The following B3GALT1 variants were observed in gnomAD, a reference collection of about 807,000 sequenced individuals.
B3GALT1 encodes the protein beta-1,3-galactosyltransferase 1.
In B3GALT1, 10 loss-of-function variants were observed where a neutral mutation model predicts 23.2. The observed-to-expected ratio is 0.43, with a 90% CI of 0.27 to 0.73. The LOEUF (loss-of-function observed/expected upper bound fraction) is 0.73. Among genes scored for constraint, B3GALT1 ranks in the 30% least tolerant of loss-of-function variants. The pLI, the probability that B3GALT1 is intolerant of heterozygous loss-of-function variation, is 0.21. For synonymous variants in B3GALT1, 156 were observed against 141.5 expected (o/e 1.10, Z -0.73); for missense variants, 299 against 405.4 (o/e 0.74, Z 2.25).
intron 1 of B3GALT1, among the ~76,000 whole-genome samples, chr2:167,467,853 T>C (rs1699370821): frequency 6.6e-6 from 1 of 152,184 alleles, no homozygotes. Flanking sequence ...CATTCAAAAA[T>C]ATATATTAAA....
At chr2:167,632,950 A>G (rs546118661) in intron 2 of B3GALT1, among the ~76,000 whole-genome samples, 2 of 152,142 alleles carry the variant, frequency 1.3e-5, no homozygotes, top group Non-Finnish European at 2.9e-5. Flanking sequence ...TAAGTCTTTA[A>G]TCCATCTTGA....
At chr2:167,509,202 G>A (rs1307689368) in intron 2 of B3GALT1, among the ~76,000 whole-genome samples, 1 of 152,146 alleles carries the variant, frequency 6.6e-6, no homozygotes, top group Non-Finnish European at 1.5e-5. Context: ...AAAGAAATGA[G>A]CCAAGTCATA....
chr2:167,444,071 G>A (rs538787667), intron 1 of B3GALT1, among the ~76,000 whole-genome samples: 2 of 152,234 alleles, frequency 1.3e-5, no homozygotes, highest in Non-Finnish European at 2.9e-5. Flanking sequence ...AGAGTTTTTA[G>A]CATGAAGGGC....
chr2:167,803,081 A>AACACATACAC (rs1187679506), intron 3 of B3GALT1, among the ~76,000 whole-genome samples: 23 of 141,482 alleles, frequency 1.6e-4, no homozygotes, highest in South Asian at 1.4e-3. Flanking sequence ...GACCCTAACA[A>AACACATACAC]ACACACACAC....
intron 1 of B3GALT1, among the ~76,000 whole-genome samples, chr2:167,438,617 A>G (rs1698827171): frequency 1.3e-5 from 2 of 152,210 alleles, no homozygotes; most frequent in South Asian, 4.1e-4. Context: ...AGGTCATCTC[A>G]TAAGCAGCCA....
At chr2:167,366,927 G>A (rs1413054618) in intron 1 of B3GALT1, among the ~76,000 whole-genome samples, 1 of 152,194 alleles carries the variant, frequency 6.6e-6, no homozygotes, top group Non-Finnish European at 1.5e-5. Context: ...GGCAGAAGGT[G>A]CCAGGCCTTC....
intron 3 of B3GALT1, among the ~76,000 whole-genome samples, chr2:167,773,307 T>G (rs1024870043): frequency 9.1e-4 from 138 of 152,292 alleles, no homozygotes; most frequent in African/African-American, 3.2e-3. Flanking sequence ...TATACATATT[T>G]TTAAGAAAAA....
At chr2:167,446,163 C>A (rs1158085487) in intron 1 of B3GALT1, among the ~76,000 whole-genome samples, 1 of 152,168 alleles carries the variant, frequency 6.6e-6, no homozygotes, top group Non-Finnish European at 1.5e-5. Flanking sequence ...GTTGAAAATT[C>A]TTTTCTTTAA....
chr2:167,408,808 A>C (rs60223490), intron 1 of B3GALT1, among the ~76,000 whole-genome samples: 2 of 1,062 alleles, frequency 1.9e-3, no homozygotes, highest in African/African-American at 2.1e-3. Context: ...CAAAAAAAAA[A>C]AAAAACAAAA....
intron 2 of B3GALT1, among the ~76,000 whole-genome samples, chr2:167,604,853 A>G (rs1684935925): frequency 6.6e-6 from 1 of 152,210 alleles, no homozygotes; most frequent in Non-Finnish European, 1.5e-5. Context: ...ATCTGGGAAG[A>G]TCATAGGCAA....
intron 1 of B3GALT1, among the ~76,000 whole-genome samples, chr2:167,488,565 C>T (rs969099036): frequency 1.3e-5 from 2 of 152,154 alleles, no homozygotes; most frequent in Admixed American, 6.5e-5. Context: ...CTTGAGAAGC[C>T]TCGGTCCTAT....
At position 167,563,539 on chromosome 2, in the gene B3GALT1, A is replaced by AC. The variant is rs1315271177; in HGVS notation, c.-410+73270dup. The stretch of plus-strand genomic sequence containing the variant: ...CGGGGCGGCTGGCGGCGGGGGGCTG[A>AC]CCCCCCCCACCTCCCTCCCGGATGG... On this transcript the variant is annotated intron_variant, in intron 2 of 4. Transcript: ENST00000392690. 3.2e-3 allele frequency among the ~76,000 whole-genome samples: 14 copies of AC among 4,376 alleles called. 2 individuals carry two copies. The African/African-American group carries it at 0.06, about 19-fold the overall frequency. The allele number at this position is 4,376 out of a possible 152,430, so 2.9% of individuals were successfully genotyped here. A position where few individuals can be genotyped will look rare whatever the true frequency, so the allele number is the denominator to read the frequency against.
intron 3 of B3GALT1, among the ~76,000 whole-genome samples, chr2:167,692,513 T>TA (rs995630450): frequency 6.6e-6 from 1 of 152,132 alleles, no homozygotes; most frequent in Non-Finnish European, 1.5e-5. Flanking sequence ...TACTCATTTT[T>TA]AAAAAATTTT....
chr2:167,795,429 T>C (rs907804350), intron 3 of B3GALT1, among the ~76,000 whole-genome samples: 4 of 152,214 alleles, frequency 2.6e-5, no homozygotes, highest in African/African-American at 9.6e-5. Flanking sequence ...CTGGTTAAAG[T>C]CATCATTGCT....
At chr2:167,654,648 C>T (rs1260138748) in intron 3 of B3GALT1, among the ~76,000 whole-genome samples, 3 of 151,840 alleles carry the variant, frequency 2.0e-5, no homozygotes, top group Admixed American at 2.0e-4. Context: ...TGTGCACCAC[C>T]ATTCCCAGCT....
intron 2 of B3GALT1, among the ~76,000 whole-genome samples, chr2:167,524,674 A>G (rs1404046547): frequency 2.0e-5 from 3 of 152,204 alleles, no homozygotes; most frequent in Non-Finnish European, 4.4e-5. Flanking sequence ...AAAGTAACTC[A>G]TCTATGCTCC....
chr2:167,385,808 A>G (rs73021723), intron 1 of B3GALT1, among the ~76,000 whole-genome samples: 2,670 of 152,254 alleles, frequency 0.018, 85 homozygotes, highest in African/African-American at 0.061. Context: ...TTTGACTACC[A>G]TCGAATTCCA....
Position 167,830,165 on chromosome 2 carries a change from G to A in B3GALT1, c.-230+11372G>A, listed in dbSNP as rs2105377883. ...GTCTGGAAGTCACGCCCAGAGAAAT[G>A]TCTTCAAGGACTGAGCAGAAGTGAA... On this transcript the variant is annotated intron_variant, in intron 4 of 4. Transcript: ENST00000392690. 1.3e-5 allele frequency among the ~76,000 whole-genome samples: 2 copies of A among 152,252 alleles called. 1 individual carries two copies. Among genetic ancestry groups the A allele is most frequent in the South Asian group, 4.2e-4 (2 of 4,802 alleles).
intron 1 of B3GALT1, among the ~76,000 whole-genome samples, chr2:167,487,541 A>C (rs909634789): frequency 2.0e-5 from 3 of 152,110 alleles, no homozygotes; most frequent in African/African-American, 2.4e-5. Flanking sequence ...TATTTTTCTC[A>C]TGTTAATAGT....
Sources: gnomAD v4.1 joint callset for allele counts (sites outside exome capture counted in the v4.1 genomes callset) on GRCh38, gnomAD v4.1.1 for gene constraint, MANE v1.5 for transcripts, NCBI Gene and HGNC (gene_info 2026-07-23, HGNC 2026-07-21) for gene names.